ASPM: variants seen among roughly 807,000 people sequenced by gnomAD.
ASPM encodes the protein abnormal spindle-like microcephaly-associated protein.
ASPM carries 256 observed loss-of-function variants against 366.4 expected under a neutral mutation model. That is an observed-to-expected ratio of 0.70 (90% CI 0.63 to 0.77). ASPM has a LOEUF of 0.77. ASPM is among the 30% of genes least tolerant of loss of function. ASPM has a pLI of 0.00. For synonymous variants in ASPM, 1,414 were observed against 1,342.9 expected (o/e 1.05, Z -1.16); for missense variants, 4,146 against 4,090.4 (o/e 1.01, Z -0.37).
At chr1:197,111,073 A>C (rs10801590) in intron 17 of ASPM, among the ~76,000 whole-genome samples, 130,988 of 152,036 alleles carry the variant, frequency 0.86, 57,023 homozygotes, top group East Asian at 1. Context: ...GCAACAAAAA[A>C]CATAATTGAC....
chr1:197,135,368 C>A lies in ASPM; in HGVS notation c.2027-126G>T, dbSNP rs996578693. The A allele has an allele frequency of 2.2e-4, 219 of 988,078 alleles. 1 individual carries two copies. Among genetic ancestry groups the A allele is most frequent in the South Asian group, 1.3e-3 (93 of 71,222 alleles). The allele number at this position is 988,078 out of a possible 1,614,324, so 61.2% of individuals were successfully genotyped here. A position where few individuals can be genotyped will look rare whatever the true frequency, so the allele number is the denominator to read the frequency against. Reference sequence around the variant, plus strand: ...CTGAACAATATTTGCTTTTCTACTACTTGCAGGAAAGAGCTGAAAGCATTT... The same window carrying A: ...CTGAACAATATTTGCTTTTCTACTAATTGCAGGAAAGAGCTGAAAGCATTT... On this transcript the variant is annotated intron_variant, in intron 4 of 27. Coordinates refer to ENST00000367409, the MANE Select transcript of ASPM (RefSeq NM_018136.5).
At chr1:197,115,004 C>T (rs1657701276) in intron 17 of ASPM, among the ~76,000 whole-genome samples, 1 of 152,152 alleles carries the variant, frequency 6.6e-6, no homozygotes, top group Admixed American at 6.5e-5. Context: ...CTGCCTCAGC[C>T]TCCCAAAGCG....
At chr1:197,117,702 C>A (rs1657778135) in intron 17 of ASPM, 87 bp downstream of exon 17, 2 of 1,152,844 alleles carry the variant, frequency 1.7e-6, no homozygotes, top group African/African-American at 1.6e-5. Context: ...AAAATATAAT[C>A]ATTGAAAACT....
rs754836855 is a variant in ASPM at position 197,130,050 on chromosome 1, A to T, written c.2494T>A (p.Tyr832Asn). The change falls in exon 8 of 28, where the codon TAT (tyrosine) becomes AAT (asparagine). Residue 832 changes from tyrosine (Y) to asparagine (N), a missense_variant. Transcript: ENST00000367409. ...TCTTCCAAAGATATGAGTTCTCCAT[A>T]AGTTGTCTGAAAATAAATTAAAGCC... ...LWLRIGLETT[Y>N]GELISLEDNS... 17 of 1,613,574 alleles carry T rather than the reference A, an allele frequency of 1.1e-5. No homozygotes were observed. In the South Asian group the frequency reaches 1.9e-4, roughly 18 times the overall value.
intron 26 of ASPM, 101 bp from the exon 27 acceptor site, chr1:197,087,073 CT>C (rs898238116): frequency 2.7e-3 from 2,830 of 1,036,700 alleles, no homozygotes; most frequent in Middle Eastern, 3.6e-3. Context: ...TGCAGTAAAC[CT>C]TTTTTTTTTC....
At chr1:197,117,752 A>T in intron 17 of ASPM, 37 bp downstream of exon 17, 5 of 1,558,900 alleles carry the variant, frequency 3.2e-6, no homozygotes, top group South Asian at 1.2e-5. Flanking sequence ...AGTCATTAAA[A>T]TTTTTTAAAT....
At chr1:197,099,874 A>C (rs1050430629) in intron 18 of ASPM, among the ~76,000 whole-genome samples, 2 of 151,676 alleles carry the variant, frequency 1.3e-5, no homozygotes, top group African/African-American at 2.4e-5. Context: ...AATTACTTAA[A>C]CTTTATCACT....
rs141108591 is a variant in ASPM at position 197,146,446 on chromosome 1, C to G, written c.-9G>C. 1 of 1,605,166 alleles carries G rather than the reference C, an allele frequency of 6.2e-7. No homozygotes were observed. The highest frequency in any genetic ancestry group is 8.5e-7 in the Non-Finnish European group (1 of 1,179,444). On this transcript the variant is annotated 5_prime_UTR_variant, in exon 1 of 28. Transcript: ENST00000367409. ...ACTCGCCGGTTCGCCATGGCAGATT[C>G]GAGACCCCTCCTGGATCTCCTTGCC...
chr1:197,114,753 T>A (rs1657693508), intron 17 of ASPM, among the ~76,000 whole-genome samples: 1 of 151,732 alleles, frequency 6.6e-6, no homozygotes, highest in African/African-American at 2.4e-5. Context: ...ATTTTATTTA[T>A]TTTTTTTATT....
rs773501151 is a variant in ASPM, at chr1:197,146,359, G to T, written c.79C>A (p.Pro27Thr). ...ERRPPAGLRG[P>T]AAEEEASSPP... ...GAAGACGCCTCCTCCTCGGCCGCGG[G>T]GCCCCGCAGCCCCGCGGGCGGCCTC... is the stretch of plus-strand genomic sequence containing the variant. The change falls in exon 1 of 28, where the codon CCC becomes ACC. Residue 27 changes from proline to threonine, a missense_variant. By Grantham distance (38) the Pro-to-Thr change is conservative. This residue lies in a region of ASPM where 512 missense variants were observed against 471.7 expected (regional missense o/e 1.09). Transcript: ENST00000367409. 6.2e-7 allele frequency: 1 copy of T among 1,610,610 alleles called. No individual in the cohort carries two copies. The highest frequency in any genetic ancestry group is 1.8e-4 in the Middle Eastern group (1 of 5,644).
At chr1:197,129,534 T>C (rs949621897) in intron 8 of ASPM, among the ~76,000 whole-genome samples, 1 of 152,124 alleles carries the variant, frequency 6.6e-6, no homozygotes, top group Non-Finnish European at 1.5e-5. Flanking sequence ...ACTTAATATT[T>C]TCAATTCATA....
chr1:197,090,352 C>A lies in ASPM; in HGVS notation c.9673G>T (p.Asp3225Tyr), dbSNP rs1656739184. ...WRGYSWRKKN[D>Y]CTKIKAIRLS... ...CGTATAGCTTTAATTTTTGTACAAT[C>A]ATTTTTCTTCCTCCAAGAATAGCCT... is the stretch of plus-strand genomic sequence containing the variant. Residue 3225 changes from aspartate (D) to tyrosine (Y), a missense_variant, in exon 24 of 28, where the codon GAT (aspartate) becomes TAT (tyrosine). By Grantham distance (160) the Asp-to-Tyr change is radical. Around this residue, in one of 3 missense-constraint regions of ASPM, gnomAD observed 3,624 missense variants for 3,591.7 expected, o/e 1.01. Transcript: ENST00000367409. 1 of 1,611,798 alleles carries A rather than the reference C, an allele frequency of 6.2e-7. No homozygotes were observed. Among genetic ancestry groups the A allele is most frequent in the Non-Finnish European group, 8.5e-7 (1 of 1,178,750 alleles).
intron 4 of ASPM, among the ~76,000 whole-genome samples, chr1:197,137,834 A>C (rs573690587): frequency 6.6e-6 from 1 of 152,302 alleles, no homozygotes; most frequent in Non-Finnish European, 1.5e-5. Flanking sequence ...GTAAGACATA[A>C]TATTATCATT....
rs201067420 is a variant in ASPM at position 197,122,471 on chromosome 1, G to A, written c.3515C>T (p.Thr1172Met). 2.2e-5 allele frequency: 35 copies of A among 1,613,756 alleles called. No individual in the cohort carries two copies. The East Asian group carries it at 3.1e-4, about 14-fold the overall frequency. Residue 1172 changes from threonine to methionine, a missense_variant, in exon 14 of 28, where the codon ACG becomes ATG. Thr to Met is a moderately conservative substitution (Grantham distance 81). Transcript: ENST00000367409. ...CQRTTQTVEC[T>M]QTGSVVLNSS... ...ATTTAATACCACTGAACCAGTTTGC[G>A]TACATTCCACAGTTTGAGTAGTACG... is the stretch of plus-strand genomic sequence containing the variant.
At chr1:197,140,973 G>A (rs1658560673) in intron 3 of ASPM, among the ~76,000 whole-genome samples, 1 of 152,088 alleles carries the variant, frequency 6.6e-6, no homozygotes, top group African/African-American at 2.4e-5. Context: ...CAAAGAAAAT[G>A]CAATACAAAT....
At chr1:197,140,410 A>G (rs1439805843) in intron 3 of ASPM, among the ~76,000 whole-genome samples, 1 of 152,232 alleles carries the variant, frequency 6.6e-6, no homozygotes, top group Non-Finnish European at 1.5e-5. Flanking sequence ...AATATTCAAA[A>G]TAATAGTGGC....
chr1:197,128,163 C>CAA (rs76055388), intron 10 of ASPM, among the ~76,000 whole-genome samples: 3 of 119,626 alleles, frequency 2.5e-5, no homozygotes, highest in Non-Finnish European at 3.6e-5. Flanking sequence ...GACTCCGTCT[C>CAA]AAAAAAAAAA....
chr1:197,099,084 T>C (rs574576636), intron 18 of ASPM, among the ~76,000 whole-genome samples: 3 of 151,790 alleles, frequency 2.0e-5, no homozygotes, highest in South Asian at 2.1e-4. Flanking sequence ...CTCTATATAA[T>C]GCCAACTTAC....
In ASPM at chr1:197,101,880, T is replaced by C. The variant is rs1170166122; in HGVS notation, c.7371A>G (p.Leu2457=). The C allele has an allele frequency of 2.5e-6, 4 of 1,612,874 alleles. No individual in the cohort carries two copies. In the South Asian group the frequency reaches 4.4e-5, roughly 18 times the overall value. The change falls in exon 18 of 28, where the codon TTA becomes TTG. Residue 2457 remains leucine, a synonymous_variant. Transcript: ENST00000367409. ...ACTGTATTGTAATGGCTGCCTTTCT[T>C]AAGTGCAAGAATTGGTACAATTTAT... ...AKHKLYQFLH[L]RKAAITIQSS... is the part of the protein sequence containing the mutation.
Sources: allele counts gnomAD v4.1 joint callset (sites outside exome capture counted in the v4.1 genomes callset), GRCh38; gene constraint gnomAD v4.1.1; regional missense constraint gnomAD v4.1.1; transcripts MANE v1.5; gene names NCBI Gene and HGNC (gene_info 2026-07-23, HGNC 2026-07-21).